The following XPC variants were observed in gnomAD, a reference collection of about 807,000 sequenced individuals.
The protein encoded by XPC is XPC complex subunit, DNA damage recognition and repair factor.
A neutral mutation model predicts 95.8 loss-of-function variants in XPC; 76 were observed. The ratio of observed to expected loss-of-function variants is 0.79; its 90% CI spans 0.66 to 0.96. The LOEUF (loss-of-function observed/expected upper bound fraction) is 0.96, where lower values mean the gene tolerates loss of function less well. XPC is among the 40% of genes least tolerant of loss of function. The probability of loss-of-function intolerance (pLI) is 0.00; values close to 1 mark genes in which losing one functional copy is unlikely to be tolerated. For synonymous variants in XPC, 442 were observed against 442.1 expected, an observed-to-expected ratio of 1.00 and a Z score of 0.00; for missense variants, 1,146 against 1,179.8, an observed-to-expected ratio of 0.97 and a Z score of 0.42.
intron 3 of XPC, 130 bp downstream of exon 3, chr3:14,170,308 A>C (rs1559382859): frequency 1.2e-6 from 1 of 834,870 alleles, no homozygotes; most frequent in South Asian, 1.7e-5. Flanking sequence ...TCCCTAGTAC[A>C]ACCTTATCTG....
chr3:14,149,091 T>A, intron 11 of XPC, 143 bp from the exon 12 acceptor site: 1 of 976,544 alleles, frequency 1.0e-6, no homozygotes, highest in Non-Finnish European at 1.4e-6. Context: ...TTTTCTCCCT[T>A]TTTTTTTTTT....
At chr3:14,176,250 T>C (rs191975104) in intron 1 of XPC, among the ~76,000 whole-genome samples, 1 of 152,340 alleles carries the variant, frequency 6.6e-6, no homozygotes, top group Non-Finnish European at 1.5e-5. Flanking sequence ...AAACCGTAAA[T>C]TTTTAATTGC....
intron 8 of XPC, 61 bp downstream of exon 8, chr3:14,159,680 T>C: frequency 6.8e-7 from 1 of 1,465,212 alleles, no homozygotes; most frequent in Non-Finnish European, 9.3e-7. Context: ...TGATCAATTT[T>C]TTTAAGTGTG....
At chr3:14,175,438 T>G (rs1019206508) in intron 1 of XPC, among the ~76,000 whole-genome samples, 2 of 152,164 alleles carry the variant, frequency 1.3e-5, no homozygotes, top group Non-Finnish European at 2.9e-5. Context: ...TATCATCATG[T>G]GAATCCGTTT....
chr3:14,168,369 G>A lies in XPC; in HGVS notation c.424C>T (p.Pro142Ser), dbSNP rs1302900686. 6.2e-7 allele frequency: 1 copy of A among 1,613,582 alleles called. No individual in the cohort carries two copies. The highest frequency in any genetic ancestry group is 2.2e-5 in the East Asian group (1 of 44,884). The change falls in exon 4 of 16, where the codon CCT becomes TCT. Residue 142 changes from proline (P) to serine (S), a missense_variant. Transcript: ENST00000285021. ...DWEEVEELSEPVLGDVRESTA... is the reference protein window; with the variant it reads ...DWEEVEELSESVLGDVRESTA... ...CTTTCTCTCACGTCACCCAGCACAG[G>A]CTCACTAAGTTCTATCAACAAGCAT...
At chr3:14,149,665 G>A (rs1695607129) in intron 11 of XPC, 1 of 152,142 alleles carries the variant, frequency 6.6e-6, no homozygotes, top group Non-Finnish European at 1.5e-5. Context: ...TCACCATATT[G>A]GCCTGGCTGG....
At chr3:14,171,272 A>G (rs971876581) in intron 2 of XPC, among the ~76,000 whole-genome samples, 8 of 152,224 alleles carry the variant, frequency 5.3e-5, no homozygotes, top group African/African-American at 1.9e-4. Flanking sequence ...GGATTTTGGT[A>G]TAAACATTTA....
Position 14,165,014 on chromosome 3 carries a change from G to A in XPC, c.780-81C>T, listed in dbSNP as rs1188745292. 5 of 1,535,360 alleles carry A rather than the reference G, an allele frequency of 3.3e-6. No individual in the cohort carries two copies. In the African/African-American group the frequency reaches 5.6e-5, roughly 17 times the overall value. ...ATTTCCAGCCAAGAAAATAAAAAGA[G>A]GGAGTGAATCGTGAGACCCGCCTGC... is the stretch of plus-strand genomic sequence containing the variant. On this transcript the variant is annotated intron_variant, in intron 6 of 15. Transcript: ENST00000285021.
Position 14,145,188 on chromosome 3 carries a change from G to T in XPC, c.*753C>A. 1 of 513,192 alleles carries T rather than the reference G, an allele frequency of 1.9e-6. No homozygotes were observed. Among genetic ancestry groups the T allele is most frequent in the Non-Finnish European group, 3.5e-6 (1 of 289,850 alleles). The allele number at this position is 513,192 out of a possible 1,614,324, so 31.8% of individuals were successfully genotyped here. On this transcript the variant is annotated 3_prime_UTR_variant, in exon 16 of 16. Coordinates refer to ENST00000285021, the MANE Select transcript of XPC (RefSeq NM_004628.5). Reference sequence around the variant, plus strand: ...ATTATTTTCTCAAAATGTTATAAAAGTCATTTCTCCTTAGTACAGAGAGCT... The same window carrying T: ...ATTATTTTCTCAAAATGTTATAAAATTCATTTCTCCTTAGTACAGAGAGCT...
At chr3:14,147,155 CA>C in intron 15 of XPC, 134 bp downstream of exon 15, 2 of 921,070 alleles carry the variant, frequency 2.2e-6, no homozygotes, top group South Asian at 3.1e-5. Flanking sequence ...GCCTTAGAGA[CA>C]GAAGACTGAG....
chr3:14,164,876 C>A lies in XPC; in HGVS notation c.837G>T (p.Leu279=), dbSNP rs1696311219. ...CAAATCTCCTTTCCAATGTAGTCTG[C>A]AGGTTATCTTGTTCACTGGCTGAAA... The part of the protein sequence containing the change: ...AELSASEQDN[L]QTTLERRFAI... Residue 279 remains leucine (L), a synonymous_variant, in exon 7 of 16, where the codon CTG becomes CTT. Coordinates refer to ENST00000285021, the MANE Select transcript of XPC (RefSeq NM_004628.5). 2 of 1,612,530 alleles carry A rather than the reference C, an allele frequency of 1.2e-6. No homozygotes were observed. The highest frequency in any genetic ancestry group is 3.3e-5 in the Admixed American group (2 of 59,868).
chr3:14,177,014 C>T (rs879431448), intron 1 of XPC, among the ~76,000 whole-genome samples: 1 of 152,196 alleles, frequency 6.6e-6, no homozygotes, highest in Non-Finnish European at 1.5e-5. Flanking sequence ...GCAGGAGAAT[C>T]ACTTGAACCT....
rs377666880 is a variant in XPC, at chr3:14,158,158, G to A, written c.1725C>T (p.Asp575=). Residue 575 remains aspartate, a synonymous_variant, in exon 9 of 16, where the codon GAC becomes GAT. Coordinates refer to ENST00000285021, the MANE Select transcript of XPC (RefSeq NM_004628.5). This position sits in a 1 kb window ranked among gnomAD's most constrained non-coding sequence, Gnocchi z 5.2. ...PMTYVVGIDS[D]GWVRDVTQRY... ...TCTGTGTGACATCTCGGACCCAGCC[G>A]TCACTGTCAATGCCCACCACATAGG... The A allele has an allele frequency of 2.0e-5, 32 of 1,613,716 alleles. No individual in the cohort carries two copies. Among genetic ancestry groups the A allele is most frequent in the African/African-American group, 1.9e-4 (14 of 74,864 alleles).
chr3:14,152,747 G>A, intron 10 of XPC: 1 of 259,436 alleles, frequency 3.9e-6, no homozygotes, highest in Non-Finnish European at 7.4e-6. Context: ...TGGGGTAAAG[G>A]CCGCTGTGCG....
intron 7 of XPC, among the ~76,000 whole-genome samples, chr3:14,163,621 T>C (rs1383593970): frequency 6.6e-6 from 1 of 152,152 alleles, no homozygotes; most frequent in Non-Finnish European, 1.5e-5. Flanking sequence ...AGGAGTTTAA[T>C]GCGTATATAC....
At position 14,148,966 on chromosome 3, in the gene XPC, GCCA is replaced by G. The variant is rs1020362473; in HGVS notation, c.2116-21_2116-19del. On this transcript the variant is annotated intron_variant, in intron 11 of 15. Coordinates refer to ENST00000285021, the MANE Select transcript of XPC (RefSeq NM_004628.5). ...TTCACCATCTGCACCAGAGGACACGGCCACCGTTTACAACAAAGGCATCCAGTT... is the reference window on the plus strand; with the variant it reads ...TTCACCATCTGCACCAGAGGACACGGCCGTTTACAACAAAGGCATCCAGTT... The G allele has an allele frequency of 6.2e-7, 1 of 1,613,706 alleles. No homozygotes were observed.
At position 14,145,965 on chromosome 3, in the gene XPC, G is replaced by A. The variant is rs1178152165; in HGVS notation, c.2799C>T (p.His933=). Residue 933 remains histidine (H), a synonymous_variant, in exon 16 of 16, where the codon CAC becomes CAT. Transcript: ENST00000285021. ...CTCACAGCTGCTCAAATGGGAACAG[G>A]TGGGAAGCTGCTGCTTTCTTTTCCC... ...TKREKKAAAS[H]LFPFEQL 2.5e-6 allele frequency: 4 copies of A among 1,608,406 alleles called. No homozygotes were observed. In the African/African-American group the frequency reaches 4.0e-5, roughly 16 times the overall value.
intron 9 of XPC, 142 bp from the exon 10 acceptor site, chr3:14,156,637 G>C (rs567486807): frequency 1.2e-5 from 13 of 1,116,398 alleles, no homozygotes; most frequent in African/African-American, 3.1e-5. Flanking sequence ...TTGTAACATC[G>C]CATCTGTACC....
chr3:14,164,149 G>C (rs1696277186), intron 7 of XPC, among the ~76,000 whole-genome samples: 1 of 152,210 alleles, frequency 6.6e-6, no homozygotes, highest in Admixed American at 6.5e-5. Flanking sequence ...CACGGAAGAA[G>C]AGAACTAAAG....
Sources: allele counts gnomAD v4.1 joint callset (sites outside exome capture counted in the v4.1 genomes callset), GRCh38; gene constraint gnomAD v4.1.1; non-coding constraint Gnocchi (gnomAD v3.1); transcripts MANE v1.5; gene names NCBI Gene and HGNC (gene_info 2026-07-23, HGNC 2026-07-21).